Variants in PIP5K1B observed in about 807,000 individuals in gnomAD.
PIP5K1B encodes the protein phosphatidylinositol-4-phosphate 5-kinase type 1 beta, also known as phosphatidylinositol 4-phosphate 5-kinase type-1 beta.
A neutral mutation model predicts 67.0 loss-of-function variants in PIP5K1B; 42 were observed. The observed-to-expected ratio is 0.63, with a 90% confidence interval of 0.49 to 0.81. The LOEUF (loss-of-function observed/expected upper bound fraction) is 0.81. PIP5K1B is among the 30% of genes least tolerant of loss of function. The probability of loss-of-function intolerance (pLI) is 0.00; values close to 1 mark genes in which losing one functional copy is unlikely to be tolerated. For missense variants in PIP5K1B, 459 were observed against 646.3 expected, an observed-to-expected ratio of 0.71 and a Z score of 3.14; for synonymous variants, 214 against 231.4, an observed-to-expected ratio of 0.92 and a Z score of 0.68.
At chr9:68,865,825 G>A (rs1350377069) in intron 5 of PIP5K1B, among the ~76,000 whole-genome samples, 8 of 152,150 alleles carry the variant, frequency 5.3e-5, no homozygotes, top group Middle Eastern at 3.2e-3. Flanking sequence ...ACAAGCCGTC[G>A]GGGTGATTCT....
At chr9:68,920,432 A>G (rs1016532705) in intron 11 of PIP5K1B, among the ~76,000 whole-genome samples, 1 of 134,784 alleles carries the variant, frequency 7.4e-6, no homozygotes, top group Admixed American at 8.8e-5. Context: ...CAGTGGTGCA[A>G]TCTCAGCTCA....
intron 8 of PIP5K1B, among the ~76,000 whole-genome samples, chr9:68,901,857 G>T (rs1419319736): frequency 6.6e-6 from 1 of 152,198 alleles, no homozygotes; most frequent in Non-Finnish European, 1.5e-5. Flanking sequence ...GTTTTATTGT[G>T]AGAACAGAAA....
At chr9:68,908,148 A>G (rs565702018) in intron 8 of PIP5K1B, among the ~76,000 whole-genome samples, 2 of 152,222 alleles carry the variant, frequency 1.3e-5, no homozygotes, top group Non-Finnish European at 2.9e-5. Context: ...TTAAGCCACA[A>G]TGAAGTAAAT....
At chr9:68,864,475 G>T (rs1823262495) in intron 5 of PIP5K1B, among the ~76,000 whole-genome samples, 1 of 152,154 alleles carries the variant, frequency 6.6e-6, no homozygotes, top group South Asian at 2.1e-4. Flanking sequence ...CCTGCTGTTT[G>T]CAAAAATACC....
chr9:68,736,684 C>T (rs1452503094), intron 1 of PIP5K1B, among the ~76,000 whole-genome samples: 1 of 152,194 alleles, frequency 6.6e-6, no homozygotes, highest in Non-Finnish European at 1.5e-5. Flanking sequence ...AAGCCAGCAG[C>T]ATCTTCAAAC....
chr9:68,977,763 T>C (rs1220553514), intron 14 of PIP5K1B, among the ~76,000 whole-genome samples: 1 of 151,236 alleles, frequency 6.6e-6, no homozygotes, highest in Non-Finnish European at 1.5e-5. Flanking sequence ...GAAGCGATTC[T>C]CCTGCCTCAG....
In PIP5K1B at chr9:68,822,643, C is replaced by T; in HGVS notation, c.29C>T (p.Ala10Val). MSSAAENGE[A>V]APGKQNEEKT... ...TCTTCTGCTGCTGAAAATGGAGAGG[C>T]AGCACCTGGAAAACAAAATGAAGAA... The change falls in exon 4 of 16, where the codon GCA (alanine) becomes GTA (valine). Residue 10 changes from alanine to valine, a missense_variant. Around this residue, in one of 2 missense-constraint regions of PIP5K1B, gnomAD observed 290 missense variants for 474.4 expected, o/e 0.61. Coordinates refer to ENST00000265382, the MANE Select transcript of PIP5K1B (RefSeq NM_003558.4). The T allele has an allele frequency of 6.2e-7, 1 of 1,613,288 alleles. No homozygotes were observed. The highest frequency in any genetic ancestry group is 8.5e-7 in the Non-Finnish European group (1 of 1,179,486).
chr9:68,991,311 G>A, intron 15 of PIP5K1B, 54 bp downstream of exon 15: 1 of 933,604 alleles, frequency 1.1e-6, no homozygotes, highest in Non-Finnish European at 1.8e-6. Flanking sequence ...AATGGATCCA[G>A]GCCATGGCTT....
At chr9:68,865,731 A>T (rs1416198207) in intron 5 of PIP5K1B, among the ~76,000 whole-genome samples, 1 of 152,220 alleles carries the variant, frequency 6.6e-6, no homozygotes, top group East Asian at 1.9e-4. Flanking sequence ...CACACCTGGA[A>T]CTTGCTAGAC....
chr9:68,971,801 G>A (rs1829385024), intron 14 of PIP5K1B, among the ~76,000 whole-genome samples: 1 of 152,186 alleles, frequency 6.6e-6, no homozygotes, highest in Non-Finnish European at 1.5e-5. Context: ...TTTGAAAAGT[G>A]TCTGTTCATA....
rs193268517 is a variant in PIP5K1B at position 68,779,887 on chromosome 9, G to A, written c.-86+37230G>A. The A allele has an allele frequency of 1.4e-5, 6 of 427,054 alleles. No homozygotes were observed. The East Asian group carries it at 1.8e-4, about 13-fold the overall frequency. 26.5% of individuals were successfully genotyped at this position (427,054 alleles called of 1,614,324 possible). A position where few individuals can be genotyped will look rare whatever the true frequency, so the allele number is the denominator to read the frequency against. ...CAATCTTATTGACATGCGTCAACGC[G>A]AGCTTGCGCTCAATAGCTATTTGCC... On this transcript the variant is annotated intron_variant, in intron 2 of 15. Coordinates refer to ENST00000265382, the MANE Select transcript of PIP5K1B (RefSeq NM_003558.4).
At chr9:68,977,348 C>T (rs1316693253) in intron 14 of PIP5K1B, among the ~76,000 whole-genome samples, 1 of 152,110 alleles carries the variant, frequency 6.6e-6, no homozygotes, top group Non-Finnish European at 1.5e-5. Flanking sequence ...CTGGGGAAAT[C>T]CCATCTCTAC....
intron 2 of PIP5K1B, among the ~76,000 whole-genome samples, chr9:68,747,006 T>C (rs1447656321): frequency 6.6e-6 from 1 of 152,006 alleles, no homozygotes. Context: ...GTCTTTCTCC[T>C]TAGGAATAGA....
chr9:68,989,126 A>C (rs1587769057), intron 14 of PIP5K1B, among the ~76,000 whole-genome samples: 6 of 145,010 alleles, frequency 4.1e-5, no homozygotes, highest in African/African-American at 7.6e-5. Context: ...AAAAATCCAC[A>C]CAATTCTTTT....
intron 4 of PIP5K1B, among the ~76,000 whole-genome samples, chr9:68,833,927 A>G (rs141027765): frequency 2.9e-4 from 44 of 152,236 alleles, no homozygotes; most frequent in African/African-American, 1.0e-3. Flanking sequence ...TGGACTTGGG[A>G]CTCAAGGAAG....
intron 2 of PIP5K1B, among the ~76,000 whole-genome samples, chr9:68,795,618 C>T (rs1001446353): frequency 1.3e-5 from 2 of 151,936 alleles, no homozygotes; most frequent in African/African-American, 4.8e-5. Flanking sequence ...TGATATGTGT[C>T]TTAAAATATT....
intron 14 of PIP5K1B, among the ~76,000 whole-genome samples, chr9:68,961,026 A>C (rs530069157): frequency 5.9e-5 from 9 of 151,796 alleles, no homozygotes; most frequent in Non-Finnish European, 1.0e-4. Flanking sequence ...CTGGCTAACA[A>C]GGTGAAACCC....
At chr9:68,873,529 T>C (rs536888787) in intron 5 of PIP5K1B, among the ~76,000 whole-genome samples, 1 of 152,220 alleles carries the variant, frequency 6.6e-6, no homozygotes, top group South Asian at 2.1e-4. Context: ...ATGCAGTTCA[T>C]TGGAGCTCTT....
chr9:68,731,445 T>C (rs1828426455), intron 1 of PIP5K1B, among the ~76,000 whole-genome samples: 1 of 152,192 alleles, frequency 6.6e-6, no homozygotes, highest in Non-Finnish European at 1.5e-5. Flanking sequence ...GATAAAGGAA[T>C]ATGGGTGGCA....
Sources: allele counts gnomAD v4.1 joint callset (sites outside exome capture counted in the v4.1 genomes callset), GRCh38; gene constraint gnomAD v4.1.1; regional missense constraint gnomAD v4.1.1; transcripts MANE v1.5; gene names NCBI Gene and HGNC (gene_info 2026-07-23, HGNC 2026-07-21).